Variants in CDH20 observed in about 807,000 individuals in gnomAD.
The protein encoded by CDH20 is cadherin 20, also known as cadherin-20.
A neutral mutation model predicts 74.2 loss-of-function variants in CDH20; 29 were observed. The observed-to-expected ratio is 0.39, with a 90% confidence interval of 0.29 to 0.53. The LOEUF is 0.53. Ranked by LOEUF, CDH20 falls within the 20% of genes least tolerant of loss-of-function variation. CDH20 has a pLI of 0.69. For synonymous variants in CDH20, 469 were observed against 405.4 expected (o/e 1.16, Z -1.88); for missense variants, 988 against 1,048.3 (o/e 0.94, Z 0.79).
intron 1 of CDH20, among the ~76,000 whole-genome samples, chr18:61,441,861 AC>A: frequency 6.6e-6 from 1 of 152,022 alleles, no homozygotes; most frequent in African/African-American, 2.4e-5. Context: ...CTGCCAAGCC[AC>A]CTCCCTGTGT....
chr18:61,477,161 G>A (rs550421457), intron 1 of CDH20, among the ~76,000 whole-genome samples: 12 of 152,296 alleles, frequency 7.9e-5, no homozygotes, highest in Admixed American at 2.0e-4. Flanking sequence ...GGTTGCTGCT[G>A]CAGTCTCTAG....
intron 5 of CDH20, among the ~76,000 whole-genome samples, chr18:61,506,862 C>T (rs1406786579): frequency 6.6e-6 from 1 of 152,030 alleles, no homozygotes; most frequent in African/African-American, 2.4e-5. Context: ...CCACGGCTGC[C>T]CCCCCTTTAT....
intron 1 of CDH20, among the ~76,000 whole-genome samples, chr18:61,419,932 C>T (rs1170787854): frequency 1.3e-5 from 2 of 152,130 alleles, no homozygotes; most frequent in African/African-American, 4.8e-5. Flanking sequence ...ATGAGCTTTT[C>T]TGCCCTCCCC....
intron 2 of CDH20, among the ~76,000 whole-genome samples, chr18:61,497,348 C>T (rs938618980): frequency 6.6e-6 from 1 of 152,178 alleles, no homozygotes; most frequent in Non-Finnish European, 1.5e-5. Flanking sequence ...AACCTCCAAA[C>T]CCATCCCTGT....
intron 1 of CDH20, among the ~76,000 whole-genome samples, chr18:61,457,502 C>T (rs1339824797): frequency 6.6e-6 from 1 of 152,056 alleles, no homozygotes; most frequent in Non-Finnish European, 1.5e-5. Flanking sequence ...GAGGCACTCC[C>T]TACTTAACCA....
chr18:61,390,955 C>T (rs189636327), intron 1 of CDH20, among the ~76,000 whole-genome samples: 1 of 152,040 alleles, frequency 6.6e-6, no homozygotes, highest in Non-Finnish European at 1.5e-5. Flanking sequence ...TAAAGAAAAC[C>T]ACTGACAGAT....
chr18:61,488,722 TG>T lies in CDH20; in HGVS notation c.-152-1679del, dbSNP rs1368452655. On this transcript the variant is annotated intron_variant, in intron 1 of 11. Coordinates refer to ENST00000262717, the MANE Select transcript of CDH20 (RefSeq NM_031891.4). Reference sequence around the variant, plus strand: ...TTCTGGCAGTGGCTTTTTTTTTGTTTGTTTGTTTGTTTGTTTTGGCAATGCC... The same window carrying T: ...TTCTGGCAGTGGCTTTTTTTTTGTTTTTTGTTTGTTTGTTTTGGCAATGCC... Among the ~76,000 whole-genome samples, 30 of 152,352 alleles carry T rather than the reference TG, an allele frequency of 2.0e-4. 1 individual carries two copies. Among genetic ancestry groups the T allele is most frequent in the Admixed American group, 9.8e-4 (15 of 15,308 alleles).
At chr18:61,409,939 T>C (rs1015860451) in intron 1 of CDH20, among the ~76,000 whole-genome samples, 8 of 152,144 alleles carry the variant, frequency 5.3e-5, no homozygotes, top group Non-Finnish European at 1.2e-4. Flanking sequence ...ACCATAGATG[T>C]CTGACCACAT....
rs552886779 is a variant in CDH20 at position 61,536,683 on chromosome 18, G to A, written c.1408+54G>A. 2.7e-5 allele frequency: 41 copies of A among 1,514,420 alleles called. No homozygotes were observed. The African/African-American group carries it at 4.8e-4, about 18-fold the overall frequency. The allele number at this position is 1,514,420 out of a possible 1,614,324, so 93.8% of individuals were successfully genotyped here. On this transcript the variant is annotated intron_variant, in intron 8 of 11. Transcript: ENST00000262717. Reference sequence around the variant, plus strand: ...GCAGTGACAAAATATAGGTGTTATAGAAAGTGGAAGTTTCTAGAACTTGTT... The same window carrying A: ...GCAGTGACAAAATATAGGTGTTATAAAAAGTGGAAGTTTCTAGAACTTGTT...
At chr18:61,498,593 C>G (rs943855353) in intron 2 of CDH20, among the ~76,000 whole-genome samples, 2 of 152,098 alleles carry the variant, frequency 1.3e-5, no homozygotes, top group Non-Finnish European at 2.9e-5. Context: ...CCATTTGACA[C>G]CTGAAACACA....
chr18:61,502,364 A>G (rs1325066841), intron 4 of CDH20, among the ~76,000 whole-genome samples: 1 of 152,152 alleles, frequency 6.6e-6, no homozygotes, highest in East Asian at 1.9e-4. Context: ...TCACAAAATT[A>G]AAAGCACAGA....
intron 1 of CDH20, among the ~76,000 whole-genome samples, chr18:61,432,120 C>T (rs1170984086): frequency 4.0e-5 from 6 of 151,598 alleles, no homozygotes; most frequent in East Asian, 3.9e-4. Context: ...TGGTGGCGGG[C>T]GCCTGTAATC....
At chr18:61,461,139 GAATTT>G (rs1379283734) in intron 1 of CDH20, among the ~76,000 whole-genome samples, 1 of 151,914 alleles carries the variant, frequency 6.6e-6, no homozygotes, top group Non-Finnish European at 1.5e-5. Flanking sequence ...TAGGGTATTT[GAATTT>G]AATATTAATT....
At chr18:61,488,771 C>G (rs1369465890) in intron 1 of CDH20, among the ~76,000 whole-genome samples, 1 of 151,994 alleles carries the variant, frequency 6.6e-6, no homozygotes, top group Non-Finnish European at 1.5e-5. Context: ...TTCTAGGCCC[C>G]TAAAACAGCA....
intron 1 of CDH20, among the ~76,000 whole-genome samples, chr18:61,349,378 C>A (rs1325780534): frequency 6.6e-6 from 1 of 152,134 alleles, no homozygotes. Flanking sequence ...CCAGAGGACT[C>A]CTTCTCTGAA....
rs774764607 is a variant in CDH20 at position 61,554,715 on chromosome 18, G to T, written c.*20G>T. The T allele has an allele frequency of 6.5e-7, 1 of 1,528,976 alleles. No homozygotes were observed. The highest frequency in any genetic ancestry group is 8.8e-7 in the Non-Finnish European group (1 of 1,138,300). The allele number at this position is 1,528,976 out of a possible 1,614,324, so 94.7% of individuals were successfully genotyped here. A position where few individuals can be genotyped will look rare whatever the true frequency, so the allele number is the denominator to read the frequency against. On this transcript the variant is annotated 3_prime_UTR_variant, in exon 12 of 12. Coordinates refer to ENST00000262717, the MANE Select transcript of CDH20 (RefSeq NM_031891.4). ...TGGTGACGGAAGCCAGGAGGCAGGC[G>T]CGCGTCCAAATCCAGACGTTCTCCG...
intron 1 of CDH20, among the ~76,000 whole-genome samples, chr18:61,400,543 A>G (rs1055042006): frequency 3.3e-5 from 5 of 152,198 alleles, no homozygotes; most frequent in African/African-American, 1.2e-4. Flanking sequence ...TTTAAAGGAA[A>G]TCCTGCTACC....
intron 8 of CDH20, among the ~76,000 whole-genome samples, chr18:61,538,081 C>T (rs193185858): frequency 2.0e-4 from 30 of 152,266 alleles, no homozygotes; most frequent in Admixed American, 1.8e-3. Context: ...GTGTCTATGA[C>T]CCCAGCCAAA....
chr18:61,344,833 A>C (rs925107441), intron 1 of CDH20, among the ~76,000 whole-genome samples: 1 of 152,160 alleles, frequency 6.6e-6, no homozygotes, highest in African/African-American at 2.4e-5. Context: ...AGTTCAGAAA[A>C]TTCCAATGGT....
Sources: gnomAD v4.1 joint callset for allele counts (sites outside exome capture counted in the v4.1 genomes callset) on GRCh38, gnomAD v4.1.1 for gene constraint, MANE v1.5 for transcripts, NCBI Gene and HGNC (gene_info 2026-07-23, HGNC 2026-07-21) for gene names.